Variants in PHF14 observed in about 807,000 individuals in gnomAD.
PHF14 encodes the protein PHD finger protein 14.
PHF14 carries 55 observed loss-of-function variants against 117.9 expected under a neutral mutation model. The observed-to-expected ratio is 0.47, with a 90% CI of 0.38 to 0.58. The LOEUF (loss-of-function observed/expected upper bound fraction) is 0.58, where lower values mean the gene tolerates loss of function less well. Among genes scored for constraint, PHF14 ranks in the 20% least tolerant of loss-of-function variants. The pLI is 0.00. For missense variants in PHF14, 978 were observed against 1,122.2 expected (o/e 0.87, Z 1.84); for synonymous variants, 409 against 368.6 (o/e 1.11, Z -1.26).
intron 14 of PHF14, among the ~76,000 whole-genome samples, chr7:11,056,345 C>G (rs755145482): frequency 1.3e-5 from 2 of 152,268 alleles, no homozygotes; most frequent in African/African-American, 4.8e-5. Flanking sequence ...GTTTTTATAG[C>G]AGCACTTACT....
At chr7:11,107,227 C>A (rs1787301033) in intron 16 of PHF14, 1 of 982,832 alleles carries the variant, frequency 1.0e-6, no homozygotes, top group South Asian at 4.7e-5. Flanking sequence ...CAGGTAAACA[C>A]CTGACTAATT....
At chr7:11,072,678 G>T (rs978339614) in intron 16 of PHF14, among the ~76,000 whole-genome samples, 1 of 132,862 alleles carries the variant, frequency 7.5e-6, no homozygotes, top group Non-Finnish European at 1.5e-5. Context: ...TATTGTGTTT[G>T]TCAGTCTGTT....
At chr7:11,101,413 A>C (rs1272446553) in intron 16 of PHF14, among the ~76,000 whole-genome samples, 1 of 151,876 alleles carries the variant, frequency 6.6e-6, no homozygotes, top group African/African-American at 2.4e-5. Flanking sequence ...AGTAGTTCTC[A>C]GAGTATCAGA....
chr7:11,105,368 A>G (rs898147245), intron 16 of PHF14: 1 of 951,332 alleles, frequency 1.1e-6, no homozygotes, highest in Non-Finnish European at 1.3e-6. Flanking sequence ...CATCCTATTA[A>G]TGAAAACCAC....
chr7:10,988,816 C>G (rs1782340227), intron 3 of PHF14, among the ~76,000 whole-genome samples: 4 of 151,002 alleles, frequency 2.6e-5, no homozygotes, highest in Non-Finnish European at 2.9e-5. Flanking sequence ...ATTCTTATAA[C>G]CTCCTGAAGT....
intron 4 of PHF14, among the ~76,000 whole-genome samples, chr7:11,008,664 A>G (rs1373040641): frequency 2.0e-5 from 3 of 152,144 alleles, no homozygotes; most frequent in African/African-American, 4.8e-5. Context: ...TTGGGGACCA[A>G]TGCTTTGGGA....
chr7:11,042,627 A>G, intron 12 of PHF14, 56 bp from the exon 13 acceptor site: 1 of 1,236,426 alleles, frequency 8.1e-7, no homozygotes, highest in East Asian at 2.6e-5. Context: ...CTATAAGTAA[A>G]CTGTTTCACT....
intron 11 of PHF14, 31 bp downstream of exon 11, chr7:11,038,886 A>C: frequency 9.8e-7 from 1 of 1,024,548 alleles, no homozygotes; most frequent in Non-Finnish European, 1.5e-6. Context: ...TGTCTCCTTC[A>C]GTTCTTGCTC....
At chr7:11,046,620 A>G (rs1262801985) in intron 13 of PHF14, among the ~76,000 whole-genome samples, 1 of 142,312 alleles carries the variant, frequency 7.0e-6, no homozygotes, top group Non-Finnish European at 1.5e-5. Flanking sequence ...ATGAAATAAC[A>G]GGTATATATC....
chr7:11,025,558 C>A (rs969902844), intron 6 of PHF14, among the ~76,000 whole-genome samples: 4 of 152,070 alleles, frequency 2.6e-5, no homozygotes, highest in Non-Finnish European at 4.4e-5. Context: ...CTTTGGGAGG[C>A]CGAGGTGGGT....
chr7:11,096,610 G>A (rs893470333), intron 16 of PHF14, among the ~76,000 whole-genome samples: 1 of 152,090 alleles, frequency 6.6e-6, no homozygotes, highest in Admixed American at 6.5e-5. Context: ...ACTATTAAAA[G>A]CTCTATTTGG....
At chr7:11,096,270 T>G (rs1333142061) in intron 16 of PHF14, among the ~76,000 whole-genome samples, 3 of 152,206 alleles carry the variant, frequency 2.0e-5, no homozygotes, top group African/African-American at 7.2e-5. Context: ...TAATTACTCT[T>G]TATCAGTAAC....
At chr7:11,009,924 T>A (rs553722699) in intron 4 of PHF14, among the ~76,000 whole-genome samples, 27 of 152,192 alleles carry the variant, frequency 1.8e-4, no homozygotes, top group Admixed American at 2.0e-4. Context: ...TCTGTGCAAA[T>A]GTGCACGTTT....
rs1032452315 is a variant in PHF14 at position 11,014,019 on chromosome 7, C to A, written c.1205+113C>A. 80 of 638,868 alleles carry A rather than the reference C, an allele frequency of 1.3e-4. 1 individual carries two copies. The highest frequency in any genetic ancestry group is 3.2e-4 in the Middle Eastern group (1 of 3,146). 39.6% of individuals were successfully genotyped at this position (638,868 alleles called of 1,614,324 possible). A position where few individuals can be genotyped will look rare whatever the true frequency, so the allele number is the denominator to read the frequency against. On this transcript the variant is annotated intron_variant, in intron 5 of 17. Transcript: ENST00000634607. ...CTTTCATTTGATTGCTTCTTTGTATCTTCTTGGCATAGAATAAATGACCAG... is the reference window on the plus strand; with the variant it reads ...CTTTCATTTGATTGCTTCTTTGTATATTCTTGGCATAGAATAAATGACCAG...
chr7:11,082,191 A>T (rs868091198), intron 16 of PHF14, among the ~76,000 whole-genome samples: 3 of 152,036 alleles, frequency 2.0e-5, no homozygotes, highest in Non-Finnish European at 2.9e-5. Context: ...TAAAATTTTT[A>T]AAAAATCAGC....
At position 10,974,289 on chromosome 7, in the gene PHF14, A is replaced by C; in HGVS notation, c.-35A>C. On this transcript the variant is annotated 5_prime_UTR_variant, in exon 1 of 18. Transcript: ENST00000634607. ...GCCTGGGCTCCTGCAGCCTCTCCCT[A>C]AGTCTTCTCCAAACGACCACCTCAC... 1 of 1,579,190 alleles carries C rather than the reference A, an allele frequency of 6.3e-7. No homozygotes were observed.
chr7:11,011,167 C>T (rs1159895627), intron 4 of PHF14, among the ~76,000 whole-genome samples: 4 of 151,944 alleles, frequency 2.6e-5, no homozygotes, highest in African/African-American at 9.7e-5. Context: ...CATATAATGA[C>T]GTCTAGTTAA....
At chr7:11,006,796 C>A (rs953708286) in intron 4 of PHF14, 7 of 805,180 alleles carry the variant, frequency 8.7e-6, no homozygotes, top group Non-Finnish European at 1.3e-5. Flanking sequence ...ACACTGCCTT[C>A]TTGGCCTTGA....
At chr7:11,073,708 A>G (rs1330268009) in intron 16 of PHF14, among the ~76,000 whole-genome samples, 1 of 152,172 alleles carries the variant, frequency 6.6e-6, no homozygotes, top group Non-Finnish European at 1.5e-5. Context: ...TCCGCACTGC[A>G]CTAGTAGAGG....
Sources: allele counts gnomAD v4.1 joint callset (sites outside exome capture counted in the v4.1 genomes callset), GRCh38; gene constraint gnomAD v4.1.1; transcripts MANE v1.5; gene names NCBI Gene and HGNC (gene_info 2026-07-23, HGNC 2026-07-21).